The following PPFIA2 variants were observed in gnomAD, a reference collection of about 807,000 sequenced individuals.
PPFIA2 encodes the protein PPFI scaffold protein A2, also known as liprin-alpha-2.
In PPFIA2, 46 loss-of-function variants were observed where a neutral mutation model predicts 175.5. That is an observed-to-expected ratio of 0.26 (90% confidence interval 0.21 to 0.34). The LOEUF is 0.34. Ranked by LOEUF, PPFIA2 falls within the 10% of genes least tolerant of loss-of-function variation. The probability of loss-of-function intolerance (pLI) is 1.00; values close to 1 mark genes in which losing one functional copy is unlikely to be tolerated. For synonymous variants in PPFIA2, 568 were observed against 511.4 expected (o/e 1.11, Z -1.49); for missense variants, 1,179 against 1,506.1 (o/e 0.78, Z 3.60).
chr12:81,570,982 C>A (rs997999538), intron 4 of PPFIA2, among the ~76,000 whole-genome samples: 2 of 151,688 alleles, frequency 1.3e-5, no homozygotes, highest in Non-Finnish European at 2.9e-5. Flanking sequence ...TTAATTGCAT[C>A]CCCTAGTAAA....
At chr12:81,529,472 G>A (rs1278113274) in intron 4 of PPFIA2, among the ~76,000 whole-genome samples, 1 of 150,934 alleles carries the variant, frequency 6.6e-6, no homozygotes, top group African/African-American at 2.4e-5. Flanking sequence ...AACCTCCCAA[G>A]GAGAATATAA....
At chr12:81,491,868 G>A (rs1309369355) in intron 4 of PPFIA2, among the ~76,000 whole-genome samples, 1 of 151,950 alleles carries the variant, frequency 6.6e-6, no homozygotes, top group African/African-American at 2.4e-5. Context: ...CTCTGCTTCA[G>A]GGAAGAAAGA....
chr12:81,646,555 C>G (rs188086988), intron 4 of PPFIA2, among the ~76,000 whole-genome samples: 12 of 152,322 alleles, frequency 7.9e-5, no homozygotes, highest in African/African-American at 2.6e-4. Flanking sequence ...TCAACACAGT[C>G]ATGCAAAGTC....
At chr12:81,667,874 A>T (rs2070653070) in intron 4 of PPFIA2, among the ~76,000 whole-genome samples, 1 of 152,040 alleles carries the variant, frequency 6.6e-6, no homozygotes, top group Non-Finnish European at 1.5e-5. Flanking sequence ...GAGGAAGATG[A>T]TCCACTTTTT....
At chr12:81,271,810 T>C (rs1451155550) in intron 28 of PPFIA2, among the ~76,000 whole-genome samples, 1 of 152,160 alleles carries the variant, frequency 6.6e-6, no homozygotes, top group Non-Finnish European at 1.5e-5. Flanking sequence ...TATTATGACA[T>C]TTACCCATAC....
At position 81,754,597 on chromosome 12, in the gene PPFIA2, G is replaced by A. The variant is rs575057463; in HGVS notation, c.-2-374C>T. On this transcript the variant is annotated intron_variant, in intron 2 of 32. Transcript: ENST00000549396. The stretch of plus-strand genomic sequence containing the variant: ...TGCAAGTTTACAAATCTCTTACAGC[G>A]AATACTTTTATGTTACCCTTATTTG... Among the ~76,000 whole-genome samples, 10 of 152,114 alleles carry A rather than the reference G, an allele frequency of 6.6e-5. No individual in the cohort carries two copies. The South Asian group carries it at 1.2e-3, about 19-fold the overall frequency.
intron 4 of PPFIA2, among the ~76,000 whole-genome samples, chr12:81,523,853 A>G (rs1246082371): frequency 6.6e-6 from 1 of 152,300 alleles, no homozygotes; most frequent in Non-Finnish European, 1.5e-5. Flanking sequence ...TACATCTACT[A>G]CCATGGTTAA....
chr12:81,259,732 T>C, intron 32 of PPFIA2, 72 bp from the exon 33 acceptor site: 2 of 1,367,830 alleles, frequency 1.5e-6, no homozygotes, highest in East Asian at 2.5e-5. Flanking sequence ...TACTCCTCTG[T>C]GGTGTACCTC....
Position 81,627,139 on chromosome 12 carries a change from C to A in PPFIA2, c.303+49652G>T, listed in dbSNP as rs1041665901. Among the ~76,000 whole-genome samples the A allele has an allele frequency of 2.0e-5, 3 of 151,524 alleles. No individual in the cohort carries two copies. The South Asian group carries it at 6.2e-4, about 32-fold the overall frequency. On this transcript the variant is annotated intron_variant, in intron 4 of 32. Coordinates refer to ENST00000549396, the MANE Select transcript of PPFIA2 (RefSeq NM_003625.5). ...ACAAGGGTAATGGGATGGGGAGGGACAAAAAGGGGCTGATAAATGGATACA... is the reference window on the plus strand; with the variant it reads ...ACAAGGGTAATGGGATGGGGAGGGAAAAAAAGGGGCTGATAAATGGATACA...
chr12:81,558,079 T>C (rs188466326), intron 4 of PPFIA2, among the ~76,000 whole-genome samples: 2,027 of 152,182 alleles, frequency 0.013, 27 homozygotes, highest in Middle Eastern at 0.02. Flanking sequence ...GATACTCCAT[T>C]TATACTCAAA....
intron 4 of PPFIA2, among the ~76,000 whole-genome samples, chr12:81,497,294 G>A (rs927398663): frequency 3.3e-5 from 5 of 151,948 alleles, no homozygotes; most frequent in Admixed American, 3.3e-4. Flanking sequence ...GATTATTTGT[G>A]GCTCACGAGA....
At chr12:81,272,791 T>C (rs1402910711) in intron 28 of PPFIA2, among the ~76,000 whole-genome samples, 1 of 152,158 alleles carries the variant, frequency 6.6e-6, no homozygotes, top group Non-Finnish European at 1.5e-5. Flanking sequence ...TCTGAAGTTA[T>C]AATAAGGGCA....
intron 4 of PPFIA2, chr12:81,545,729 T>C (rs983166487): frequency 2.0e-5 from 3 of 152,196 alleles, no homozygotes; most frequent in East Asian, 3.9e-4. Context: ...GCATAGAATA[T>C]TGACCATTGC....
chr12:81,694,568 GC>G (rs2075669506), intron 3 of PPFIA2, among the ~76,000 whole-genome samples: 1 of 152,188 alleles, frequency 6.6e-6, no homozygotes, highest in Non-Finnish European at 1.5e-5. Context: ...GTATTGAATA[GC>G]CTCAGTGCCC....
chr12:81,741,635 ATTT>A (rs11325864), intron 3 of PPFIA2, among the ~76,000 whole-genome samples: 67 of 145,512 alleles, frequency 4.6e-4, no homozygotes, highest in African/African-American at 1.1e-3. Context: ...TTTTTTGGTG[ATTT>A]TTTTTTTTTT....
At chr12:81,608,358 C>T (rs934776025) in intron 4 of PPFIA2, among the ~76,000 whole-genome samples, 1 of 152,004 alleles carries the variant, frequency 6.6e-6, no homozygotes, top group African/African-American at 2.4e-5. Context: ...GGAATAGTTT[C>T]AGTAGGATTG....
chr12:81,702,335 C>A (rs1180340245), intron 3 of PPFIA2, among the ~76,000 whole-genome samples: 4 of 152,072 alleles, frequency 2.6e-5, no homozygotes, highest in African/African-American at 9.7e-5. Flanking sequence ...TTTTCTATTG[C>A]CATTGACTGC....
intron 4 of PPFIA2, among the ~76,000 whole-genome samples, chr12:81,595,232 G>A (rs1204146287): frequency 6.9e-6 from 1 of 144,750 alleles, no homozygotes; most frequent in East Asian, 2.0e-4. Flanking sequence ...AAAATTCACT[G>A]TGTTTATATA....
At chr12:81,400,451 A>G (rs2041925954) in intron 8 of PPFIA2, among the ~76,000 whole-genome samples, 1 of 152,178 alleles carries the variant, frequency 6.6e-6, no homozygotes. Flanking sequence ...TAAAAATACT[A>G]GACAATTATT....
Sources: allele counts gnomAD v4.1 joint callset (sites outside exome capture counted in the v4.1 genomes callset), GRCh38; gene constraint gnomAD v4.1.1; transcripts MANE v1.5; gene names NCBI Gene and HGNC (gene_info 2026-07-23, HGNC 2026-07-21).